SZT2: variants seen among roughly 807,000 people sequenced by gnomAD.
SZT2 encodes SZT2 subunit of KICSTOR complex, also known as KICSTOR complex protein SZT2.
A neutral mutation model predicts 404.2 loss-of-function variants in SZT2; 216 were observed. That is an observed-to-expected ratio of 0.53 (90% confidence interval 0.48 to 0.60). The LOEUF (loss-of-function observed/expected upper bound fraction) is 0.60. SZT2 is among the 20% of genes least tolerant of loss of function. SZT2 has a pLI of 0.00. For missense variants in SZT2, 3,857 were observed against 4,459.2 expected (o/e 0.86, Z 3.85); for synonymous variants, 1,693 against 1,749.9 (o/e 0.97, Z 0.81).
chr1:43,416,048 T>C lies in SZT2; in HGVS notation c.719T>C (p.Met240Thr). Residue 240 changes from methionine (M) to threonine (T), a missense_variant, in exon 6 of 72, where the codon ATG becomes ACG. Met to Thr is a moderately conservative substitution (Grantham distance 81). Coordinates refer to ENST00000634258, the MANE Select transcript of SZT2 (RefSeq NM_001365999.1). Reference sequence around the variant, plus strand: ...ACAGCTGATCTTGGGCTGGTCAGTATGATTCGTCAGGGCATCTTGGCACTG... The same window carrying C: ...ACAGCTGATCTTGGGCTGGTCAGTACGATTCGTCAGGGCATCTTGGCACTG... ...MVTADLGLVS[M>T]IRQGILALQL... 1.9e-6 allele frequency: 3 copies of C among 1,598,406 alleles called. No homozygotes were observed. Among genetic ancestry groups the C allele is most frequent in the Non-Finnish European group, 2.5e-6 (3 of 1,179,806 alleles).
At position 43,448,050 on chromosome 1, in the gene SZT2, C is replaced by A. The variant is rs1557604760; in HGVS notation, c.9564-29C>A. ...CCCTGTGTGTCTCTTGCTACAACCA[C>A]CACTCTCCTGCCCTGCTCCCCACCC... On this transcript the variant is annotated intron_variant, in intron 68 of 71. Coordinates refer to ENST00000634258, the MANE Select transcript of SZT2 (RefSeq NM_001365999.1). This position sits in a 1 kb window ranked among gnomAD's most constrained non-coding sequence, Gnocchi z 4.2. 2 of 1,606,822 alleles carry A rather than the reference C, an allele frequency of 1.2e-6. No individual in the cohort carries two copies. Among genetic ancestry groups the A allele is most frequent in the Non-Finnish European group, 1.7e-6 (2 of 1,175,012 alleles).
intron 4 of SZT2, among the ~76,000 whole-genome samples, chr1:43,408,438 A>T (rs761925322): frequency 2.0e-5 from 3 of 151,244 alleles, no homozygotes; most frequent in Non-Finnish European, 2.9e-5. Flanking sequence ...AATTGTTTTA[A>T]ATTTTTTTGT....
At position 43,426,702 on chromosome 1, in the gene SZT2, A is replaced by G. The variant is rs551290817; in HGVS notation, c.3215-13A>G. ...GCCCTGCCCTCTTTCACCCATCTCT[A>G]CCCCCATTGTAGGTGCCGAGGGGCC... On this transcript the variant is annotated splice_polypyrimidine_tract_variant and intron_variant, in intron 22 of 71. Transcript: ENST00000634258. This position sits in a 1 kb window ranked among gnomAD's most constrained non-coding sequence, Gnocchi z 4.9. 1 of 1,595,468 alleles carries G rather than the reference A, an allele frequency of 6.3e-7. No homozygotes were observed. Among genetic ancestry groups the G allele is most frequent in the East Asian group, 2.3e-5 (1 of 44,322 alleles).
Position 43,439,764 on chromosome 1 carries a change from C to G in SZT2, c.7037C>G (p.Ser2346Cys), listed in dbSNP as rs771174830. The G allele has an allele frequency of 2.5e-6, 4 of 1,587,476 alleles. No individual in the cohort carries two copies. Among genetic ancestry groups the G allele is most frequent in the Non-Finnish European group, 3.4e-6 (4 of 1,165,432 alleles). Residue 2346 changes from serine to cysteine, a missense_variant, in exon 50 of 72, where the codon TCT becomes TGT. By Grantham distance (112) the Ser-to-Cys change is moderately radical. Coordinates refer to ENST00000634258, the MANE Select transcript of SZT2 (RefSeq NM_001365999.1). The surrounding 1 kb of genome is among the most constrained non-coding windows in gnomAD (Gnocchi z 4.2). Reference protein sequence around the residue: ...VIRCPVVVDSSSAQNGAPRLR... With the variant: ...VIRCPVVVDSCSAQNGAPRLR... The stretch of plus-strand genomic sequence containing the variant: ...CGCTGCCCGGTTGTTGTGGACAGTT[C>G]TTCAGGTGGGACAGCTTGGTCAGAG...
In SZT2 at chr1:43,437,043, C is replaced by T; in HGVS notation, c.6035-128C>T. The T allele has an allele frequency of 7.9e-7, 1 of 1,258,778 alleles. No individual in the cohort carries two copies. The highest frequency in any genetic ancestry group is 1.4e-5 in the South Asian group (1 of 71,838). The allele number at this position is 1,258,778 out of a possible 1,614,324, so 78.0% of individuals were successfully genotyped here. A position where few individuals can be genotyped will look rare whatever the true frequency, so the allele number is the denominator to read the frequency against. ...CTGTCGTGTTACCCAGAATGATCAT[C>T]ATTTCTCTGCAATAGTCAGGGATGA... On this transcript the variant is annotated intron_variant, in intron 42 of 71. Coordinates refer to ENST00000634258, the MANE Select transcript of SZT2 (RefSeq NM_001365999.1). This position sits in a 1 kb window ranked among gnomAD's most constrained non-coding sequence, Gnocchi z 5.3.
At chr1:43,413,013 G>T (rs1651257685) in intron 4 of SZT2, among the ~76,000 whole-genome samples, 1 of 152,192 alleles carries the variant, frequency 6.6e-6, no homozygotes, top group African/African-American at 2.4e-5. Context: ...GCAATAACAT[G>T]CTGGTGAGGA....
Position 43,419,853 on chromosome 1 carries a change from A to G in SZT2, c.999A>G (p.Pro333=). The stretch of plus-strand genomic sequence containing the variant: ...TGTCCACTTGTCCTGAGCCGGAGCC[A>G]GGCAACCTGGGTCTGACTGTCTACC... ...SYLSTCPEPE[P]GNLGLTVYHR... is the part of the protein sequence containing the mutation. The change falls in exon 8 of 72, where the codon CCA becomes CCG. Residue 333 remains proline (P), a synonymous_variant. Transcript: ENST00000634258. 2 of 1,598,510 alleles carry G rather than the reference A, an allele frequency of 1.3e-6. No individual in the cohort carries two copies. Among genetic ancestry groups the G allele is most frequent in the Non-Finnish European group, 1.7e-6 (2 of 1,179,816 alleles).
At chr1:43,395,155 GC>G (rs1383582808) in intron 1 of SZT2, among the ~76,000 whole-genome samples, 1 of 152,192 alleles carries the variant, frequency 6.6e-6, no homozygotes, top group Non-Finnish European at 1.5e-5. Flanking sequence ...TTGGAAGAAA[GC>G]TTTCTAATAG....
chr1:43,422,939 C>T, intron 14 of SZT2, 56 bp downstream of exon 14: 1 of 1,518,384 alleles, frequency 6.6e-7, no homozygotes, highest in South Asian at 1.2e-5. Context: ...AGGATAGCTC[C>T]CTCTCCCCAA....
In SZT2 at chr1:43,442,116, G is replaced by A. The variant is rs1224560423; in HGVS notation, c.7859G>A (p.Arg2620Lys). ...GGAAGGAACTTCTTGCAGTGGAGGA[G>A]ACCAACACAGCAGGGTGAGGGCATG... ...LLGRNFLQWR[R>K]PTQQAAKAMQ... Residue 2620 changes from arginine (R) to lysine (K), a missense_variant, in exon 56 of 72, where the codon AGA becomes AAA. Around this residue, in one of 7 missense-constraint regions of SZT2, gnomAD observed 573 missense variants for 592.4 expected, o/e 0.97. Coordinates refer to ENST00000634258, the MANE Select transcript of SZT2 (RefSeq NM_001365999.1). This position sits in a 1 kb window ranked among gnomAD's most constrained non-coding sequence, Gnocchi z 4.5. 2.1e-6 allele frequency: 3 copies of A among 1,396,584 alleles called. No individual in the cohort carries two copies. The highest frequency in any genetic ancestry group is 2.9e-6 in the Non-Finnish European group (3 of 1,041,698). The allele number at this position is 1,396,584 out of a possible 1,614,324, so 86.5% of individuals were successfully genotyped here.
Position 43,422,515 on chromosome 1 carries a change from A to G in SZT2, c.1805A>G (p.Asn602Ser). ...IPKHLHTPGS[N>S]GRYSTIQCRI... ...AAGCACTTGCACACCCCGGGCAGCA[A>G]TGGGCGCTACAGCACTATCCAGTGC... The change falls in exon 13 of 72, where the codon AAT (asparagine) becomes AGT (serine). Residue 602 changes from asparagine (N) to serine (S), a missense_variant. By Grantham distance (46) the Asn-to-Ser change is conservative. Around this residue, in one of 7 missense-constraint regions of SZT2, gnomAD observed 1,725 missense variants for 1,881.0 expected, o/e 0.92. Coordinates refer to ENST00000634258, the MANE Select transcript of SZT2 (RefSeq NM_001365999.1). The G allele has an allele frequency of 1.3e-6, 2 of 1,596,544 alleles. No individual in the cohort carries two copies. The highest frequency in any genetic ancestry group is 1.7e-6 in the Non-Finnish European group (2 of 1,178,830).
In SZT2 at chr1:43,451,247, A is replaced by G. The variant is rs1656364517; in HGVS notation, c.*767A>G. The G allele has an allele frequency of 6.2e-7, 1 of 1,613,878 alleles. No homozygotes were observed. The highest frequency in any genetic ancestry group is 8.5e-7 in the Non-Finnish European group (1 of 1,180,036). ...GGTGGTGTGCGGGCCCTCACTGGCC[A>G]GCCTCTGGGTGGCCCCGCCTATCCC... On this transcript the variant is annotated 3_prime_UTR_variant, in exon 72 of 72. Coordinates refer to ENST00000634258, the MANE Select transcript of SZT2 (RefSeq NM_001365999.1).
At chr1:43,396,671 A>C (rs1378053400) in intron 1 of SZT2, among the ~76,000 whole-genome samples, 1 of 152,252 alleles carries the variant, frequency 6.6e-6, no homozygotes, top group Admixed American at 6.5e-5. Flanking sequence ...GTATTTTTAC[A>C]CAGGAGGAAG....
Position 43,448,165 on chromosome 1 carries a change from G to A in SZT2, c.9650G>A (p.Arg3217Lys). 6.2e-7 allele frequency: 1 copy of A among 1,611,970 alleles called. No individual in the cohort carries two copies. The highest frequency in any genetic ancestry group is 1.3e-5 in the African/African-American group (1 of 75,006). ...ADMRRFRKPPRLPPEPEAPGS... is the reference protein window; with the variant it reads ...ADMRRFRKPPKLPPEPEAPGS... ...ATGCGCCGCTTCCGGAAGCCACCCA[G>A]ACTGCCCCCTGAGCCAGAGGCTCCT... Residue 3217 changes from arginine (R) to lysine (K), a missense_variant, in exon 69 of 72, where the codon AGA becomes AAA. Arg to Lys is a conservative substitution (Grantham distance 26, BLOSUM62 2). This residue lies in a region of SZT2 where 717 missense variants were observed against 868.2 expected (regional missense o/e 0.83). Coordinates refer to ENST00000634258, the MANE Select transcript of SZT2 (RefSeq NM_001365999.1). The surrounding 1 kb of genome is among the most constrained non-coding windows in gnomAD (Gnocchi z 4.2).
rs1279253185 is a variant in SZT2, at chr1:43,422,779, C to A, written c.1933C>A (p.Gln645Lys). The A allele has an allele frequency of 1.9e-6, 3 of 1,587,856 alleles. No individual in the cohort carries two copies. The African/African-American group carries it at 4.0e-5, about 21-fold the overall frequency. The change falls in exon 14 of 72, where the codon CAG becomes AAG. Residue 645 changes from glutamine to lysine, a missense_variant. Gln to Lys is a moderately conservative substitution (Grantham distance 53, BLOSUM62 1). Around this residue, in one of 7 missense-constraint regions of SZT2, gnomAD observed 1,725 missense variants for 1,881.0 expected, o/e 0.92. Coordinates refer to ENST00000634258, the MANE Select transcript of SZT2 (RefSeq NM_001365999.1). The stretch of plus-strand genomic sequence containing the variant: ...CCCATTTCTCCCCAGTGCCCCAGAC[C>A]AGCCCCCCAATTCCTTCTACATGGT... ...YVKLLSSAPD[Q>K]PPNSFYMVRI... is the part of the protein sequence containing the mutation.
intron 51 of SZT2, 150 bp from the exon 52 acceptor site, chr1:43,440,303 A>G: frequency 7.7e-7 from 1 of 1,298,662 alleles, no homozygotes; most frequent in South Asian, 1.4e-5. Flanking sequence ...ACACAAACAC[A>G]TGCAGCAGCA....
Position 43,419,806 on chromosome 1 carries a change from A to G in SZT2, c.952A>G (p.Met318Val), listed in dbSNP as rs972539312. The change falls in exon 8 of 72, where the codon ATG becomes GTG. Residue 318 changes from methionine (M) to valine (V), a missense_variant. This residue lies in a region of SZT2 where 536 missense variants were observed against 637.4 expected (regional missense o/e 0.84). Coordinates refer to ENST00000634258, the MANE Select transcript of SZT2 (RefSeq NM_001365999.1). ...TGTGGAATTAATGAAGTTCATCGCA[A>G]TGGCAACATTTGGGTCCTACCTGTC... ...PNVELMKFIA[M>V]ATFGSYLSTC... is the part of the protein sequence containing the mutation. The G allele has an allele frequency of 2.3e-5, 36 of 1,598,322 alleles. No individual in the cohort carries two copies. The highest frequency in any genetic ancestry group is 4.0e-5 in the African/African-American group (3 of 74,918).
intron 42 of SZT2, 93 bp downstream of exon 42, chr1:43,435,422 A>AGC: frequency 3.4e-6 from 5 of 1,450,338 alleles, no homozygotes; most frequent in Non-Finnish European, 4.7e-6. Flanking sequence ...CAGAGTCCTC[A>AGC]TTACTTGGTC....
chr1:43,403,563 C>T (rs773992550), intron 2 of SZT2, 38 bp from the exon 3 acceptor site: 6 of 1,599,308 alleles, frequency 3.8e-6, no homozygotes, highest in East Asian at 4.5e-5. Context: ...AGGGATACTT[C>T]GCTGATCCTT....
Sources: allele counts gnomAD v4.1 joint callset (sites outside exome capture counted in the v4.1 genomes callset), GRCh38; gene constraint gnomAD v4.1.1; regional missense constraint gnomAD v4.1.1; non-coding constraint Gnocchi (gnomAD v3.1); transcripts MANE v1.5; gene names NCBI Gene and HGNC (gene_info 2026-07-23, HGNC 2026-07-21).